The following SPP2 variants were observed in gnomAD, a reference collection of about 807,000 sequenced individuals.
The protein encoded by SPP2 is secreted phosphoprotein 2, also known as secreted phosphoprotein 24.
A neutral mutation model predicts 28.8 loss-of-function variants in SPP2; 34 were observed. The observed-to-expected ratio is 1.18, with a 90% CI of 0.90 to 1.57. The LOEUF (loss-of-function observed/expected upper bound fraction) is 1.57. Among genes scored for constraint, SPP2 ranks in the 40% most tolerant of loss-of-function variants. The pLI is 0.00. For missense variants in SPP2, 269 were observed against 263.9 expected (o/e 1.02, Z -0.13); for synonymous variants, 96 against 89.4 (o/e 1.07, Z -0.42).
At chr2:234,059,929 A>AT (rs61330854) in intron 3 of SPP2, among the ~76,000 whole-genome samples, 21,344 of 152,130 alleles carry the variant, frequency 0.14, 2,464 homozygotes, top group African/African-American at 0.32. Context: ...TTAAAAGAGG[A>AT]TGTTTGATTT....
At chr2:234,054,407 A>AC (rs960150156) in intron 2 of SPP2, among the ~76,000 whole-genome samples, 1 of 152,178 alleles carries the variant, frequency 6.6e-6, no homozygotes, top group African/African-American at 2.4e-5. Flanking sequence ...GTAACAAAGT[A>AC]CCACGAACAC....
intron 3 of SPP2, among the ~76,000 whole-genome samples, chr2:234,059,565 A>G (rs1574827028): frequency 6.6e-6 from 1 of 152,030 alleles, no homozygotes; most frequent in Admixed American, 6.5e-5. Context: ...AACAAACAAA[A>G]AACACTTCAT....
At chr2:234,067,506 G>A (rs60599952) in intron 6 of SPP2, among the ~76,000 whole-genome samples, 2,013 of 152,160 alleles carry the variant, frequency 0.013, 41 homozygotes, top group African/African-American at 0.046. Flanking sequence ...GGCCGGGCGC[G>A]GTGGCTCACG....
chr2:234,059,051 C>T, intron 3 of SPP2, 93 bp downstream of exon 3: 2 of 1,474,702 alleles, frequency 1.4e-6, no homozygotes, highest in Non-Finnish European at 1.8e-6. Context: ...TGGTCGCTGC[C>T]TGGCTAGCAT....
chr2:234,073,215 T>C (rs1480292621), intron 7 of SPP2, among the ~76,000 whole-genome samples: 1 of 152,220 alleles, frequency 6.6e-6, no homozygotes, highest in East Asian at 1.9e-4. Context: ...GGATGCATTC[T>C]CCTTGTTAAT....
At chr2:234,064,839 C>G (rs1693787102) in intron 4 of SPP2, among the ~76,000 whole-genome samples, 1 of 152,202 alleles carries the variant, frequency 6.6e-6, no homozygotes. Flanking sequence ...ACTTGTTTCA[C>G]TTAGCATAAT....
intron 6 of SPP2, among the ~76,000 whole-genome samples, chr2:234,068,901 C>T (rs1334170725): frequency 6.6e-6 from 1 of 152,166 alleles, no homozygotes; most frequent in African/African-American, 2.4e-5. Context: ...TTTATTATCT[C>T]ACAGTTTCTG....
At chr2:234,061,868 T>A (rs1693726153) in intron 4 of SPP2, among the ~76,000 whole-genome samples, 1 of 152,324 alleles carries the variant, frequency 6.6e-6, no homozygotes, top group South Asian at 2.1e-4. Context: ...AACCCCCAGG[T>A]GACCTCTGAA....
At chr2:234,066,349 G>A (rs1046592340) in intron 4 of SPP2, among the ~76,000 whole-genome samples, 184 bp from the exon 5 acceptor site, 33 of 152,152 alleles carry the variant, frequency 2.2e-4, no homozygotes, top group African/African-American at 7.7e-4. Context: ...TCTTCCCCAT[G>A]TGCTTTTTTA....
At chr2:234,053,404 G>A (rs754586696) in intron 2 of SPP2, among the ~76,000 whole-genome samples, 4 of 152,038 alleles carry the variant, frequency 2.6e-5, no homozygotes, top group South Asian at 2.1e-4. Context: ...GAGAAGGGTC[G>A]GGCCCTTCTG....
intron 6 of SPP2, among the ~76,000 whole-genome samples, chr2:234,069,358 T>TCCCTTC (rs1693889516): frequency 6.6e-6 from 1 of 151,932 alleles, no homozygotes; most frequent in Non-Finnish European, 1.5e-5. Flanking sequence ...TGCCCAGGAG[T>TCCCTTC]GTGAATACCA....
intron 6 of SPP2, among the ~76,000 whole-genome samples, chr2:234,068,187 A>G (rs2125467850): frequency 6.6e-6 from 1 of 152,324 alleles, no homozygotes; most frequent in Non-Finnish European, 1.5e-5. Context: ...GTAAGAACTC[A>G]TGGCATTAAA....
chr2:234,070,144 T>C, intron 7 of SPP2, 121 bp downstream of exon 7: 1 of 691,406 alleles, frequency 1.4e-6, no homozygotes, highest in Non-Finnish European at 2.5e-6. Flanking sequence ...CTTTTCGGCT[T>C]CTCTGACCTC....
At chr2:234,052,891 T>C (rs1378278990) in intron 2 of SPP2, among the ~76,000 whole-genome samples, 1 of 152,204 alleles carries the variant, frequency 6.6e-6, no homozygotes, top group Non-Finnish European at 1.5e-5. Context: ...ATTTATGTTG[T>C]GTGTATTAAC....
intron 7 of SPP2, among the ~76,000 whole-genome samples, chr2:234,075,452 T>A (rs999025106): frequency 6.6e-6 from 1 of 152,096 alleles, no homozygotes; most frequent in Non-Finnish European, 1.5e-5. Flanking sequence ...TGCTGTCCTA[T>A]CCCCATGTCC....
At chr2:234,074,206 G>A (rs2125475420) in intron 7 of SPP2, among the ~76,000 whole-genome samples, 1 of 152,216 alleles carries the variant, frequency 6.6e-6, no homozygotes, top group Admixed American at 6.5e-5. Flanking sequence ...AATAGTATGA[G>A]AGGGCAAAAC....
chr2:234,061,267 A>C (rs1268612088), intron 4 of SPP2, among the ~76,000 whole-genome samples: 1 of 152,162 alleles, frequency 6.6e-6, no homozygotes, highest in Non-Finnish European at 1.5e-5. Flanking sequence ...TCATGAGGGC[A>C]GGGAATGTTT....
intron 7 of SPP2, among the ~76,000 whole-genome samples, chr2:234,073,840 G>C (rs991331841): frequency 6.6e-6 from 1 of 152,092 alleles, no homozygotes; most frequent in Non-Finnish European, 1.5e-5. Flanking sequence ...TTCTTATTGA[G>C]GCCTTTTGTC....
chr2:234,060,603 T>G, intron 4 of SPP2, 124 bp downstream of exon 4: 1 of 711,278 alleles, frequency 1.4e-6, no homozygotes, highest in Non-Finnish European at 2.4e-6. Context: ...CGAACTCTGC[T>G]GACACAGTGG....
Sources: allele counts gnomAD v4.1 joint callset (sites outside exome capture counted in the v4.1 genomes callset), GRCh38; gene constraint gnomAD v4.1.1; transcripts MANE v1.5; gene names NCBI Gene and HGNC (gene_info 2026-07-23, HGNC 2026-07-21).